Variants in ABCA1 observed in about 807,000 individuals in gnomAD.
ABCA1 encodes ATP binding cassette subfamily A member 1.
In ABCA1, 133 loss-of-function variants were observed where a neutral mutation model predicts 262.5. That is an observed-to-expected ratio of 0.51 (90% confidence interval 0.44 to 0.59). The LOEUF (loss-of-function observed/expected upper bound fraction) is 0.59, where lower values mean the gene tolerates loss of function less well. Ranked by LOEUF, ABCA1 falls within the 20% of genes least tolerant of loss-of-function variation. ABCA1 has a pLI of 0.00. For missense variants in ABCA1, 2,452 were observed against 2,777.5 expected, an observed-to-expected ratio of 0.88 and a Z score of 2.63; for synonymous variants, 1,022 against 1,043.5, an observed-to-expected ratio of 0.98 and a Z score of 0.40.
chr9:104,834,309 C>G (rs79983614), intron 11 of ABCA1, among the ~76,000 whole-genome samples: 6 of 149,358 alleles, frequency 4.0e-5, no homozygotes, highest in African/African-American at 1.5e-4. Context: ...AATGGAGGTA[C>G]GCAGGATAGC....
chr9:104,910,039 G>C (rs770418179), intron 1 of ABCA1, among the ~76,000 whole-genome samples: 9 of 152,124 alleles, frequency 5.9e-5, no homozygotes, highest in Non-Finnish European at 8.8e-5. Flanking sequence ...TTTCCTTCCC[G>C]CAAGAACACT....
intron 5 of ABCA1, among the ~76,000 whole-genome samples, chr9:104,864,856 T>C (rs1836945582): frequency 6.6e-6 from 1 of 152,154 alleles, no homozygotes; most frequent in South Asian, 2.1e-4. Flanking sequence ...TTCTGTTATG[T>C]TAACAGGCTC....
At chr9:104,905,986 T>C (rs1841101748) in intron 1 of ABCA1, among the ~76,000 whole-genome samples, 2 of 152,230 alleles carry the variant, frequency 1.3e-5, no homozygotes, top group African/African-American at 4.8e-5. Context: ...ACTTACCTTG[T>C]ATGGTGTTCA....
chr9:104,815,207 G>C (rs1831633936), intron 25 of ABCA1, among the ~76,000 whole-genome samples: 1 of 152,192 alleles, frequency 6.6e-6, no homozygotes, highest in South Asian at 2.1e-4. Flanking sequence ...TCAAACATCA[G>C]AAGAGAATCT....
At chr9:104,857,045 C>T (rs1420440139) in intron 7 of ABCA1, among the ~76,000 whole-genome samples, 1 of 152,094 alleles carries the variant, frequency 6.6e-6, no homozygotes, top group African/African-American at 2.4e-5. Context: ...TGACTCATGC[C>T]TTTAATCCCA....
chr9:104,818,922 C>T lies in ABCA1; in HGVS notation c.3242-39G>A, dbSNP rs752188564. 7 of 1,546,448 alleles carry T rather than the reference C, an allele frequency of 4.5e-6. No individual in the cohort carries two copies. The East Asian group carries it at 1.6e-4, about 36-fold the overall frequency. On this transcript the variant is annotated intron_variant, in intron 22 of 49. Transcript: ENST00000374736. ...ACACAAGGATGTGGGACAGGTGAGGCCTCTCAGTTCTGATTTGTCACAGTG... is the reference window on the plus strand; with the variant it reads ...ACACAAGGATGTGGGACAGGTGAGGTCTCTCAGTTCTGATTTGTCACAGTG...
At chr9:104,915,070 G>C (rs887761786) in intron 1 of ABCA1, among the ~76,000 whole-genome samples, 5 of 152,198 alleles carry the variant, frequency 3.3e-5, no homozygotes, top group African/African-American at 1.2e-4. Flanking sequence ...ATAGGCTCAA[G>C]TCAGGAACTC....
At chr9:104,818,981 A>T in intron 22 of ABCA1, 98 bp from the exon 23 acceptor site, 1 of 1,195,238 alleles carries the variant, frequency 8.4e-7, no homozygotes, top group Non-Finnish European at 1.2e-6. Context: ...AGGGGTAAGC[A>T]CTGGAAGAGA....
intron 2 of ABCA1, among the ~76,000 whole-genome samples, chr9:104,895,269 C>T (rs1159924121): frequency 6.6e-6 from 1 of 152,210 alleles, no homozygotes; most frequent in Admixed American, 6.5e-5. Context: ...CACCACTTTG[C>T]ACTTCCCATC....
At chr9:104,857,221 T>TA (rs1835915338) in intron 7 of ABCA1, among the ~76,000 whole-genome samples, 1 of 151,880 alleles carries the variant, frequency 6.6e-6, no homozygotes, top group Non-Finnish European at 1.5e-5. Flanking sequence ...GAGAATCACT[T>TA]AAGCCTGAGA....
intron 39 of ABCA1, 75 bp downstream of exon 39, chr9:104,795,978 G>T: frequency 1.3e-6 from 2 of 1,597,442 alleles, no homozygotes; most frequent in Middle Eastern, 2.3e-4. Context: ...AGTGGAATAA[G>T]ATCACAATTA....
intron 15 of ABCA1, among the ~76,000 whole-genome samples, chr9:104,828,433 A>G (rs570897120): frequency 6.6e-6 from 1 of 152,320 alleles, no homozygotes; most frequent in African/African-American, 2.4e-5. Context: ...CCAATCCTGC[A>G]TCTTCCATAT....
Position 104,785,601 on chromosome 9 carries a change from C to T in ABCA1, c.6440G>A (p.Gly2147Glu), listed in dbSNP as rs376067764. The T allele has an allele frequency of 6.2e-7, 1 of 1,613,916 alleles. No individual in the cohort carries two copies. The highest frequency in any genetic ancestry group is 8.5e-7 in the Non-Finnish European group (1 of 1,179,996). ...DGYTIVVRIA[G>E]SNPDLKPVQD... Reference sequence around the variant, plus strand: ...GACAGGCTTCAGGTCCGGGTTGGACCCTGCTATTCGTACAACTATTGTATA... The same window carrying T: ...GACAGGCTTCAGGTCCGGGTTGGACTCTGCTATTCGTACAACTATTGTATA... The change falls in exon 49 of 50, where the codon GGG becomes GAG. Residue 2147 changes from glycine (G) to glutamate (E), a missense_variant. By Grantham distance (98) the Gly-to-Glu change is moderately conservative. Transcript: ENST00000374736.
Position 104,806,308 on chromosome 9 carries a change from C to G in ABCA1, c.4397G>C (p.Ser1466Thr). The G allele has an allele frequency of 6.2e-7, 1 of 1,614,126 alleles. No homozygotes were observed. The highest frequency in any genetic ancestry group is 8.5e-7 in the Non-Finnish European group (1 of 1,180,036). ...CAGCATCTTCTTGATTTTGTCGCTG[C>G]TACACTGGCATGCAGGTGAAGGGTT... is the stretch of plus-strand genomic sequence containing the variant. ...MQNPSPACQCSSDKIKKMLPV... is the reference protein window; with the variant it reads ...MQNPSPACQCTSDKIKKMLPV... Residue 1466 changes from serine to threonine, a missense_variant, in exon 31 of 50, where the codon AGC (serine) becomes ACC (threonine). Physicochemically the swap from Ser to Thr is moderately conservative, Grantham distance 58. Around this residue, in one of 4 missense-constraint regions of ABCA1, gnomAD observed 665 missense variants for 727.3 expected, o/e 0.91. Transcript: ENST00000374736.
chr9:104,799,681 A>G, intron 36 of ABCA1, 138 bp downstream of exon 36: 1 of 1,554,492 alleles, frequency 6.4e-7, no homozygotes, highest in Non-Finnish European at 8.7e-7. Context: ...TTCTGCCCAG[A>G]GCCTGGATCA....
chr9:104,874,319 GAGTT>G (rs1258144328), intron 5 of ABCA1, among the ~76,000 whole-genome samples: 1 of 152,108 alleles, frequency 6.6e-6, no homozygotes, highest in African/African-American at 2.4e-5. Flanking sequence ...CTGAAGTCAA[GAGTT>G]CAACATGGCA....
intron 2 of ABCA1, among the ~76,000 whole-genome samples, chr9:104,900,533 G>A (rs1840583148): frequency 6.6e-6 from 1 of 152,214 alleles, no homozygotes. Context: ...CCCTTAAGAG[G>A]TTCTGACGTC....
chr9:104,881,456 G>C (rs1483664206), intron 5 of ABCA1, among the ~76,000 whole-genome samples: 1 of 152,014 alleles, frequency 6.6e-6, no homozygotes, highest in Non-Finnish European at 1.5e-5. Context: ...AAATGGCTTG[G>C]TTGAGATGTC....
chr9:104,824,444 C>T (rs765720099), intron 18 of ABCA1, 21 bp downstream of exon 18: 1 of 1,613,900 alleles, frequency 6.2e-7, no homozygotes, highest in Non-Finnish European at 8.5e-7. Context: ...AAAGAAAGAG[C>T]AGGAGGTCAA....
Sources: allele counts gnomAD v4.1 joint callset (sites outside exome capture counted in the v4.1 genomes callset), GRCh38; gene constraint gnomAD v4.1.1; regional missense constraint gnomAD v4.1.1; transcripts MANE v1.5; gene names NCBI Gene and HGNC (gene_info 2026-07-23, HGNC 2026-07-21).